The following CACNB2 variants were observed in gnomAD, a reference collection of about 807,000 sequenced individuals.
The protein encoded by CACNB2 is voltage-dependent L-type calcium channel subunit beta-2.
A neutral mutation model predicts 73.3 loss-of-function variants in CACNB2; 42 were observed. The ratio of observed to expected loss-of-function variants is 0.57; its 90% CI spans 0.45 to 0.74. The LOEUF is 0.74. Ranked by LOEUF, CACNB2 falls within the 30% of genes least tolerant of loss-of-function variation. The pLI is 0.00. For missense variants in CACNB2, 940 were observed against 853.0 expected, an observed-to-expected ratio of 1.10 and a Z score of -1.27; for synonymous variants, 348 against 310.3, an observed-to-expected ratio of 1.12 and a Z score of -1.28.
chr10:18,409,772 C>T (rs927117351), intron 3 of CACNB2, among the ~76,000 whole-genome samples: 9 of 152,212 alleles, frequency 5.9e-5, no homozygotes, highest in African/African-American at 9.6e-5. Flanking sequence ...GAGGACTCCC[C>T]CAGTCTCCTG....
intron 2 of CACNB2, among the ~76,000 whole-genome samples, chr10:18,352,911 A>G (rs541261097): frequency 5.9e-5 from 9 of 152,330 alleles, no homozygotes; most frequent in African/African-American, 2.2e-4. Flanking sequence ...GTATTACATC[A>G]CCTCTAGTAA....
At chr10:18,346,985 A>C (rs1027974451) in intron 2 of CACNB2, among the ~76,000 whole-genome samples, 4 of 152,156 alleles carry the variant, frequency 2.6e-5, no homozygotes, top group Non-Finnish European at 5.9e-5. Flanking sequence ...CAACACACAA[A>C]ATAGACCTGC....
chr10:18,183,564 A>G (rs971856176), intron 2 of CACNB2, among the ~76,000 whole-genome samples: 1 of 152,170 alleles, frequency 6.6e-6, no homozygotes, highest in Non-Finnish European at 1.5e-5. Context: ...GAGCTTGTAC[A>G]GGGGAACCCC....
At chr10:18,164,771 AGG>A (rs2032728873) in intron 2 of CACNB2, among the ~76,000 whole-genome samples, 2 of 152,078 alleles carry the variant, frequency 1.3e-5, no homozygotes, top group African/African-American at 4.8e-5. Context: ...TAGGACTTGG[AGG>A]TGTCTACATT....
intron 2 of CACNB2, among the ~76,000 whole-genome samples, chr10:18,201,263 A>G (rs1235861195): frequency 6.7e-6 from 1 of 148,476 alleles, no homozygotes; most frequent in Non-Finnish European, 1.5e-5. Flanking sequence ...GCCTTATAAT[A>G]GGGTCCAGTA....
intron 2 of CACNB2, among the ~76,000 whole-genome samples, chr10:18,332,921 G>T (rs2040859493): frequency 6.6e-6 from 1 of 152,120 alleles, no homozygotes; most frequent in African/African-American, 2.4e-5. Flanking sequence ...CAGGTTACAA[G>T]TACCAAAAAA....
At chr10:18,423,370 G>T (rs1273342469) in intron 3 of CACNB2, among the ~76,000 whole-genome samples, 3 of 152,162 alleles carry the variant, frequency 2.0e-5, no homozygotes, top group Admixed American at 6.5e-5. Flanking sequence ...AGGTTACCAA[G>T]GCATGGGCCG....
chr10:18,375,176 C>T (rs2042745047), intron 2 of CACNB2, among the ~76,000 whole-genome samples: 1 of 152,096 alleles, frequency 6.6e-6, no homozygotes, highest in Non-Finnish European at 1.5e-5. Flanking sequence ...CATACCACTG[C>T]ACTCAGCCTG....
intron 10 of CACNB2, among the ~76,000 whole-genome samples, chr10:18,529,462 G>A (rs189871733): frequency 6.6e-6 from 1 of 152,222 alleles, no homozygotes; most frequent in African/African-American, 2.4e-5. Flanking sequence ...GTCGAGCCAT[G>A]AACTGGCTGC....
At chr10:18,412,404 C>T (rs956077162) in intron 3 of CACNB2, among the ~76,000 whole-genome samples, 1 of 152,206 alleles carries the variant, frequency 6.6e-6, no homozygotes, top group African/African-American at 2.4e-5. Context: ...GTCCTCCCTT[C>T]TGTCCTATTT....
At position 18,520,916 on chromosome 10, in the gene CACNB2, TTA is replaced by T. The variant is rs1225712653; in HGVS notation, c.944+1950_944+1951del. 7.2e-5 allele frequency among the ~76,000 whole-genome samples: 11 copies of T among 152,344 alleles called. No individual in the cohort carries two copies. The East Asian group carries it at 7.7e-4, about 11-fold the overall frequency. On this transcript the variant is annotated intron_variant, in intron 9 of 13. Coordinates refer to ENST00000324631, the MANE Select transcript of CACNB2 (RefSeq NM_201596.3). The stretch of plus-strand genomic sequence containing the variant: ...TTTCCCTCTGTTTTCTAGTGCTCTT[TTA>T]TGTATTTCCAGTACTATTTTTGTTT...
chr10:18,181,540 G>A (rs550678190), intron 2 of CACNB2, among the ~76,000 whole-genome samples: 5 of 147,150 alleles, frequency 3.4e-5, no homozygotes, highest in East Asian at 3.9e-4. Flanking sequence ...GGTAGTCAGA[G>A]TTTTGAAATT....
chr10:18,381,237 G>A (rs769049698), intron 2 of CACNB2, among the ~76,000 whole-genome samples: 14 of 150,744 alleles, frequency 9.3e-5, no homozygotes, highest in Non-Finnish European at 1.6e-4. Flanking sequence ...GGCCGGGTGC[G>A]GTGGCTCACG....
intron 5 of CACNB2, among the ~76,000 whole-genome samples, chr10:18,504,910 G>T (rs1247552083): frequency 6.6e-6 from 1 of 152,210 alleles, no homozygotes; most frequent in African/African-American, 2.4e-5. Flanking sequence ...CTACCAGAGT[G>T]TTGGGATTAC....
intron 2 of CACNB2, among the ~76,000 whole-genome samples, chr10:18,220,110 AATATATATATATATATATATATATAT>A (rs1165921150): frequency 1.2e-4 from 4 of 32,760 alleles, no homozygotes; most frequent in South Asian, 1.9e-3. Context: ...TTTATTTTTT[AATATATATATATATATATATATATAT>A]ATATATATAT....
At chr10:18,261,158 C>A in intron 2 of CACNB2, 1 of 1,539,538 alleles carries the variant, frequency 6.5e-7, no homozygotes, top group East Asian at 2.5e-5. Context: ...TTTGCTCATG[C>A]CTCTTACCTG....
intron 3 of CACNB2, among the ~76,000 whole-genome samples, chr10:18,436,761 T>G (rs2046157191): frequency 6.6e-6 from 1 of 152,192 alleles, no homozygotes; most frequent in Non-Finnish European, 1.5e-5. Flanking sequence ...TCATGTTTAT[T>G]TTTTCCATAT....
intron 2 of CACNB2, among the ~76,000 whole-genome samples, chr10:18,268,997 C>T (rs1481827286): frequency 6.6e-6 from 1 of 152,082 alleles, no homozygotes; most frequent in Admixed American, 6.5e-5. Flanking sequence ...TCCTTTAGGT[C>T]TGGCCTTCAT....
At chr10:18,191,298 A>G (rs11012932) in intron 2 of CACNB2, among the ~76,000 whole-genome samples, 21,868 of 152,246 alleles carry the variant, frequency 0.14, 1,706 homozygotes, top group Middle Eastern at 0.2. Flanking sequence ...GATTTGTCCC[A>G]TGACACAGAG....
Sources: allele counts gnomAD v4.1 joint callset (sites outside exome capture counted in the v4.1 genomes callset), GRCh38; gene constraint gnomAD v4.1.1; transcripts MANE v1.5; gene names NCBI Gene and HGNC (gene_info 2026-07-23, HGNC 2026-07-21).